RAPGEF5: variants seen among roughly 807,000 people sequenced by gnomAD.
RAPGEF5 encodes the protein Rap guanine nucleotide exchange factor 5, also known as M-Ras-regulated GEF.
A neutral mutation model predicts 125.2 loss-of-function variants in RAPGEF5; 65 were observed. The observed-to-expected ratio is 0.52, with a 90% CI of 0.43 to 0.64. RAPGEF5 has a LOEUF of 0.64. RAPGEF5 is among the 30% of genes least tolerant of loss of function. The pLI is 0.00. For synonymous variants in RAPGEF5, 391 were observed against 385.9 expected (o/e 1.01, Z -0.16); for missense variants, 958 against 1,048.1 (o/e 0.91, Z 1.19).
At chr7:22,330,012 A>G (rs1344875622) in intron 1 of RAPGEF5, among the ~76,000 whole-genome samples, 2 of 152,182 alleles carry the variant, frequency 1.3e-5, no homozygotes, top group Non-Finnish European at 2.9e-5. Context: ...TGTCTACAAG[A>G]CAGCTATAAA....
Position 22,169,243 on chromosome 7 carries a change from T to G in RAPGEF5, c.1205-2095A>C, listed in dbSNP as rs147893631. On this transcript the variant is annotated intron_variant, in intron 11 of 25. Transcript: ENST00000665637. ...ACTAGAGTCTCTGTTTATGGAAGTT[T>G]CAAATATATGAACAAGGCACGGGAA... 1.9e-3 allele frequency among the ~76,000 whole-genome samples: 294 copies of G among 152,306 alleles called. 1 individual carries two copies. Among genetic ancestry groups the G allele is most frequent in the African/African-American group, 6.7e-3 (279 of 41,570 alleles).
At chr7:22,190,412 G>A (rs956294263) in intron 11 of RAPGEF5, among the ~76,000 whole-genome samples, 24 of 152,216 alleles carry the variant, frequency 1.6e-4, no homozygotes, top group African/African-American at 5.8e-4. Context: ...TAGTAGGTGT[G>A]TGCGAGTCAA....
chr7:22,223,530 C>T (rs955209), intron 8 of RAPGEF5, among the ~76,000 whole-genome samples: 2,040 of 152,216 alleles, frequency 0.013, 42 homozygotes, highest in African/African-American at 0.045. Flanking sequence ...TTTAACATGA[C>T]GGCTATTCCA....
intron 7 of RAPGEF5, among the ~76,000 whole-genome samples, chr7:22,244,170 A>G (rs1453901322): frequency 4.6e-5 from 7 of 152,142 alleles, no homozygotes; most frequent in African/African-American, 1.2e-4. Context: ...GTGTGTGTGT[A>G]TATATACATA....
chr7:22,125,476 A>ATATAT, intron 25 of RAPGEF5, 128 bp downstream of exon 25: 1 of 838,120 alleles, frequency 1.2e-6, no homozygotes. Context: ...ATATATATAC[A>ATATAT]ATATGCGTAT....
At chr7:22,138,065 A>G (rs1467504730) in intron 21 of RAPGEF5, among the ~76,000 whole-genome samples, 2 of 151,960 alleles carry the variant, frequency 1.3e-5, no homozygotes, top group Non-Finnish European at 2.9e-5. Flanking sequence ...CCCAACAAAC[A>G]GAGGACCAAT....
At chr7:22,328,570 T>C (rs1583581947) in intron 1 of RAPGEF5, among the ~76,000 whole-genome samples, 1 of 152,260 alleles carries the variant, frequency 6.6e-6, no homozygotes, top group South Asian at 2.1e-4. Context: ...ACACTAAACG[T>C]ATACTATACC....
chr7:22,349,958 T>C (rs1383963567), intron 1 of RAPGEF5, among the ~76,000 whole-genome samples: 1 of 152,240 alleles, frequency 6.6e-6, no homozygotes, highest in African/African-American at 2.4e-5. Flanking sequence ...CACAGTGGCA[T>C]CTGTGGATTT....
intron 7 of RAPGEF5, among the ~76,000 whole-genome samples, chr7:22,258,236 A>G (rs1782051317): frequency 6.6e-6 from 1 of 152,238 alleles, no homozygotes; most frequent in Admixed American, 6.5e-5. Context: ...CAAGATTGAA[A>G]GCGAAGAACA....
At chr7:22,189,497 C>T (rs1236742569) in intron 11 of RAPGEF5, among the ~76,000 whole-genome samples, 1 of 152,192 alleles carries the variant, frequency 6.6e-6, no homozygotes, top group Admixed American at 6.5e-5. Context: ...CCTTCAACTC[C>T]TCTAACTCAC....
chr7:22,208,194 T>C (rs1372157736), intron 9 of RAPGEF5, among the ~76,000 whole-genome samples: 3 of 152,220 alleles, frequency 2.0e-5, no homozygotes, highest in African/African-American at 7.2e-5. Flanking sequence ...TCATAGGTGC[T>C]CAACAAATGC....
chr7:22,346,209 G>T (rs1472021387), intron 1 of RAPGEF5, among the ~76,000 whole-genome samples: 3 of 152,104 alleles, frequency 2.0e-5, no homozygotes, highest in Non-Finnish European at 4.4e-5. Flanking sequence ...TTCCATTTTA[G>T]AGACAGAGAC....
intron 7 of RAPGEF5, among the ~76,000 whole-genome samples, chr7:22,249,861 T>C (rs1786574116): frequency 6.6e-6 from 1 of 152,190 alleles, no homozygotes; most frequent in South Asian, 2.1e-4. Flanking sequence ...AAAATCTAGA[T>C]GTCAGGGCCT....
At chr7:22,297,259 G>A (rs992245248) in intron 5 of RAPGEF5, among the ~76,000 whole-genome samples, 1 of 152,150 alleles carries the variant, frequency 6.6e-6, no homozygotes, top group Non-Finnish European at 1.5e-5. Context: ...TGGGATCAGT[G>A]CACAATGTGA....
At chr7:22,187,842 G>GT (rs1452571644) in intron 11 of RAPGEF5, among the ~76,000 whole-genome samples, 1 of 152,228 alleles carries the variant, frequency 6.6e-6, no homozygotes, top group Non-Finnish European at 1.5e-5. Flanking sequence ...AAATATGGAA[G>GT]TAAGACAATG....
chr7:22,246,618 G>A (rs1011251558), intron 7 of RAPGEF5, among the ~76,000 whole-genome samples: 13 of 151,988 alleles, frequency 8.6e-5, no homozygotes, highest in Non-Finnish European at 1.8e-4. Flanking sequence ...CAAACTATAA[G>A]AATACTAGAA....
intron 1 of RAPGEF5, among the ~76,000 whole-genome samples, chr7:22,347,106 G>GAC (rs1329005670): frequency 2.6e-5 from 4 of 151,726 alleles, no homozygotes; most frequent in African/African-American, 9.7e-5. Flanking sequence ...TACACACACA[G>GAC]ACACACACAC....
rs190552396 is a variant in RAPGEF5, at chr7:22,230,925, A to G, written c.797-6T>C. Reference sequence around the variant, plus strand: ...TTCTTCATCTTGTTCAATTGCTTAAAAAAAAGAACACCATTAAACAAATGT... The same window carrying G: ...TTCTTCATCTTGTTCAATTGCTTAAGAAAAAGAACACCATTAAACAAATGT... On this transcript the variant is annotated splice_region_variant and splice_polypyrimidine_tract_variant and intron_variant, in intron 7 of 25. Coordinates refer to ENST00000665637, the MANE Select transcript of RAPGEF5 (RefSeq NM_012294.5). 4 of 1,554,998 alleles carry G rather than the reference A, an allele frequency of 2.6e-6. No homozygotes were observed. In the Admixed American group the frequency reaches 7.8e-5, roughly 30 times the overall value.
chr7:22,350,503 T>G (rs1015439228), intron 1 of RAPGEF5, among the ~76,000 whole-genome samples: 1 of 152,234 alleles, frequency 6.6e-6, no homozygotes, highest in Non-Finnish European at 1.5e-5. Context: ...CAACACTTTA[T>G]ATTCTATTCA....
Sources: gnomAD v4.1 joint callset for allele counts (sites outside exome capture counted in the v4.1 genomes callset) on GRCh38, gnomAD v4.1.1 for gene constraint, MANE v1.5 for transcripts, NCBI Gene and HGNC (gene_info 2026-07-23, HGNC 2026-07-21) for gene names.